The following CHST15 variants were observed in gnomAD, a reference collection of about 807,000 sequenced individuals.
CHST15 encodes carbohydrate sulfotransferase 15.
Under a neutral mutation model 53.6 loss-of-function variants are expected in CHST15, and 30 were observed. That is an observed-to-expected ratio of 0.56 (90% CI 0.42 to 0.76). CHST15 has a LOEUF of 0.76. Ranked by LOEUF, CHST15 falls within the 30% of genes least tolerant of loss-of-function variation. The pLI, the probability that CHST15 is intolerant of heterozygous loss-of-function variation, is 0.00. For missense variants in CHST15, 627 were observed against 740.5 expected, an observed-to-expected ratio of 0.85 and a Z score of 1.78; for synonymous variants, 296 against 289.8, an observed-to-expected ratio of 1.02 and a Z score of -0.22.
intron 1 of CHST15, among the ~76,000 whole-genome samples, chr10:124,068,030 C>T (rs111592869): frequency 2.6e-5 from 4 of 152,180 alleles, no homozygotes; most frequent in Non-Finnish European, 2.9e-5. Context: ...TATCCAGATA[C>T]GTAATGTCAA....
Position 124,042,463 on chromosome 10 carries a change from A to G in CHST15, c.887-16T>C. 1 of 1,612,364 alleles carries G rather than the reference A, an allele frequency of 6.2e-7. No individual in the cohort carries two copies. On this transcript the variant is annotated splice_polypyrimidine_tract_variant and intron_variant, in intron 3 of 7. Transcript: ENST00000435907. ...CGGACGATTCCTATGAGAACCAAGA[A>G]GCAGGAGATACTGAGGACAAAGTTG...
chr10:124,079,680 G>C lies in CHST15; in HGVS notation c.-513+13789C>G, dbSNP rs552533671. The stretch of plus-strand genomic sequence containing the variant: ...AAGAAACAGAGGTTCTTACTGACGA[G>C]GAGACAGAAACAGCTGGAGGCAGCA... On this transcript the variant is annotated intron_variant, in intron 1 of 7. Transcript: ENST00000435907. 5.9e-5 allele frequency among the ~76,000 whole-genome samples: 9 copies of C among 152,360 alleles called. No homozygotes were observed. The South Asian group carries it at 1.9e-3, about 32-fold the overall frequency.
At chr10:124,029,622 C>T (rs909394303) in intron 5 of CHST15, among the ~76,000 whole-genome samples, 16 of 152,194 alleles carry the variant, frequency 1.1e-4, no homozygotes, top group African/African-American at 3.1e-4. Context: ...AGCACCTTCT[C>T]GTGATTCACC....
At position 124,008,663 on chromosome 10, in the gene CHST15, C is replaced by A; in HGVS notation, c.*1486G>T. 1.9e-6 allele frequency: 2 copies of A among 1,045,370 alleles called. No individual in the cohort carries two copies. The highest frequency in any genetic ancestry group is 6.1e-5 in the South Asian group (2 of 32,708). 64.8% of individuals were successfully genotyped at this position (1,045,370 alleles called of 1,614,324 possible). On this transcript the variant is annotated 3_prime_UTR_variant, in exon 8 of 8. Transcript: ENST00000435907. ...GAACAACTGCAGATCCTCCTACCCC[C>A]GAAGCCTGGTCTGTCTCACACATAC...
intron 1 of CHST15, among the ~76,000 whole-genome samples, chr10:124,070,300 G>A (rs1036463209): frequency 6.6e-6 from 1 of 152,200 alleles, no homozygotes; most frequent in Non-Finnish European, 1.5e-5. Flanking sequence ...ACTTCAGGAA[G>A]GTCAACATGA....
chr10:124,068,445 G>A (rs546241398), intron 1 of CHST15, among the ~76,000 whole-genome samples: 17 of 152,286 alleles, frequency 1.1e-4, no homozygotes, highest in East Asian at 3.9e-4. Flanking sequence ...TCCTCATCAT[G>A]GTAACCATCA....
rs1946919134 is a variant in CHST15 at position 124,024,481 on chromosome 10, T to G, written c.1191-3069A>C. Among the ~76,000 whole-genome samples the G allele has an allele frequency of 6.6e-6, 1 of 152,032 alleles. No individual in the cohort carries two copies. The highest frequency in any genetic ancestry group is 1.5e-5 in the Non-Finnish European group (1 of 67,998). On this transcript the variant is annotated intron_variant, in intron 5 of 7. Transcript: ENST00000435907. This position sits in a 1 kb window ranked among gnomAD's most constrained non-coding sequence, Gnocchi z 4.0. ...CACCCACCGGAACAGGAGTGTTCCATCTACCACAGCCTGGCCAGCCAAACT... is the reference window on the plus strand; with the variant it reads ...CACCCACCGGAACAGGAGTGTTCCAGCTACCACAGCCTGGCCAGCCAAACT...
intron 1 of CHST15, among the ~76,000 whole-genome samples, chr10:124,073,998 G>A (rs1052618949): frequency 2.6e-5 from 4 of 152,156 alleles, no homozygotes; most frequent in African/African-American, 4.8e-5. Context: ...AGCAACCTAC[G>A]GGCTAGGCAC....
At chr10:124,072,538 C>T (rs1948950445) in intron 1 of CHST15, among the ~76,000 whole-genome samples, 1 of 152,146 alleles carries the variant, frequency 6.6e-6, no homozygotes, top group African/African-American at 2.4e-5. Flanking sequence ...GACTGATCTA[C>T]AAATAAAAAC....
At chr10:124,060,287 G>C (rs1460513590) in intron 1 of CHST15, among the ~76,000 whole-genome samples, 1 of 150,432 alleles carries the variant, frequency 6.6e-6, no homozygotes, top group Non-Finnish European at 1.5e-5. Context: ...TCCCCCAGGA[G>C]TGAGTGTGCA....
chr10:124,045,916 A>G lies in CHST15; in HGVS notation c.297T>C (p.Ser99=). ...AGATCAGAAGCTCTTGGTGGGCCCC[A>G]GAAAGGATGTAAGAAGCCATTACCA... The part of the protein sequence containing the change: ...MTLVMASYIL[S]GAHQELLISS... Residue 99 remains serine, a synonymous_variant, in exon 2 of 8, where the codon TCT becomes TCC. Coordinates refer to ENST00000435907, the MANE Select transcript of CHST15 (RefSeq NM_001270764.2). 6.2e-7 allele frequency: 1 copy of G among 1,613,956 alleles called. No individual in the cohort carries two copies. Among genetic ancestry groups the G allele is most frequent in the Non-Finnish European group, 8.5e-7 (1 of 1,179,946 alleles).
chr10:124,062,723 C>T (rs1251148096), intron 1 of CHST15, among the ~76,000 whole-genome samples: 3 of 152,052 alleles, frequency 2.0e-5, no homozygotes, highest in Non-Finnish European at 4.4e-5. Context: ...CCAGCCGAGC[C>T]GGAATCAGTG....
rs200939986 is a variant in CHST15 at position 124,007,814 on chromosome 10, A to G, written c.*2335T>C. 1 of 1,232,026 alleles carries G rather than the reference A, an allele frequency of 8.1e-7. No homozygotes were observed. Among genetic ancestry groups the G allele is most frequent in the African/African-American group, 1.6e-5 (1 of 64,430 alleles). 76.3% of individuals were successfully genotyped at this position (1,232,026 alleles called of 1,614,324 possible). A position where few individuals can be genotyped will look rare whatever the true frequency, so the allele number is the denominator to read the frequency against. On this transcript the variant is annotated 3_prime_UTR_variant, in exon 8 of 8. Transcript: ENST00000435907. ...TAAGGGAGTACAATTTAACACGGTC[A>G]CAACTTTTGAGAACAAAAAGGAACT...
chr10:124,070,962 A>G (rs1351562231), intron 1 of CHST15, among the ~76,000 whole-genome samples: 1 of 152,198 alleles, frequency 6.6e-6, no homozygotes, highest in African/African-American at 2.4e-5. Flanking sequence ...ACAGCGGGGC[A>G]AAGGCAGGAG....
At chr10:124,044,445 G>C (rs1947879295) in intron 3 of CHST15, 135 bp downstream of exon 3, 2 of 718,118 alleles carry the variant, frequency 2.8e-6, no homozygotes, top group African/African-American at 1.8e-5. Context: ...CTTTGCCTGG[G>C]AACAGCCTCC....
rs1429180859 is a variant in CHST15, at chr10:124,019,367, C to A, written c.1347+1889G>T. On this transcript the variant is annotated intron_variant, in intron 6 of 7. Transcript: ENST00000435907. The surrounding 1 kb of genome is among the most constrained non-coding windows in gnomAD (Gnocchi z 4.6). Reference sequence around the variant, plus strand: ...AGACTCACTCCGTAGGGGTCCAGGGCCAAGAGTCACAGCTGAGAGTGGTTC... The same window carrying A: ...AGACTCACTCCGTAGGGGTCCAGGGACAAGAGTCACAGCTGAGAGTGGTTC... Among the ~76,000 whole-genome samples the A allele has an allele frequency of 2.0e-5, 3 of 152,236 alleles. No individual in the cohort carries two copies. The East Asian group carries it at 5.8e-4, about 29-fold the overall frequency.
At chr10:124,075,176 T>G (rs1949032749) in intron 1 of CHST15, among the ~76,000 whole-genome samples, 1 of 152,202 alleles carries the variant, frequency 6.6e-6, no homozygotes, top group African/African-American at 2.4e-5. Flanking sequence ...AGCTTTTGCT[T>G]GAACATGGAG....
intron 1 of CHST15, among the ~76,000 whole-genome samples, chr10:124,060,426 C>A (rs1372749126): frequency 6.7e-6 from 1 of 148,978 alleles, no homozygotes; most frequent in African/African-American, 2.5e-5. Flanking sequence ...GCCAGCCCCA[C>A]CAGGGGTGTG....
chr10:124,007,697 C>T lies in CHST15; in HGVS notation c.*2452G>A. ...CTGCAGAGGAAGAGCACGCGCTCCACAGGCGTCACTCTTATGGGTCCATCT... is the reference window on the plus strand; with the variant it reads ...CTGCAGAGGAAGAGCACGCGCTCCATAGGCGTCACTCTTATGGGTCCATCT... On this transcript the variant is annotated 3_prime_UTR_variant, in exon 8 of 8. Coordinates refer to ENST00000435907, the MANE Select transcript of CHST15 (RefSeq NM_001270764.2). 4 of 1,222,836 alleles carry T rather than the reference C, an allele frequency of 3.3e-6. No individual in the cohort carries two copies. The highest frequency in any genetic ancestry group is 4.1e-6 in the Non-Finnish European group (4 of 983,144). The allele number at this position is 1,222,836 out of a possible 1,614,324, so 75.7% of individuals were successfully genotyped here.
Sources: allele counts gnomAD v4.1 joint callset (sites outside exome capture counted in the v4.1 genomes callset), GRCh38; gene constraint gnomAD v4.1.1; non-coding constraint Gnocchi (gnomAD v3.1); transcripts MANE v1.5; gene names NCBI Gene and HGNC (gene_info 2026-07-23, HGNC 2026-07-21).